The following MTA2 variants were observed in gnomAD, a reference collection of about 807,000 sequenced individuals.
The protein encoded by MTA2 is metastasis associated 1 family member 2.
A neutral mutation model predicts 87.1 loss-of-function variants in MTA2; 22 were observed. The ratio of observed to expected loss-of-function variants is 0.25; its 90% CI spans 0.18 to 0.36. MTA2 has a LOEUF of 0.36. MTA2 is among the 10% of genes least tolerant of loss of function. MTA2 has a pLI of 1.00. For missense variants in MTA2, 542 were observed against 853.2 expected (o/e 0.64, Z 4.54); for synonymous variants, 314 against 310.1 (o/e 1.01, Z -0.13).
intron 11 of MTA2, 26 bp downstream of exon 11, chr11:62,596,253 T>C (rs1216914161): frequency 1.1e-5 from 18 of 1,612,660 alleles, no homozygotes; most frequent in Non-Finnish European, 1.3e-5. Flanking sequence ...GAAAACACTC[T>C]GGTCTCCCCT....
intron 2 of MTA2, 42 bp from the exon 3 acceptor site, chr11:62,600,301 G>T: frequency 6.5e-7 from 1 of 1,539,730 alleles, no homozygotes. Context: ...ACGTAGCAGT[G>T]GAAATTGATC....
rs1282923151 is a variant in MTA2, at chr11:62,597,598, C to G, written c.593+12G>C. ...TCCCCCAGCCCATCTTCCCTATCCA[C>G]CCACCCCTCACCGGGCCACCACAAG... On this transcript the variant is annotated intron_variant, in intron 7 of 17. Transcript: ENST00000278823. 1 of 1,612,894 alleles carries G rather than the reference C, an allele frequency of 6.2e-7. No individual in the cohort carries two copies. The highest frequency in any genetic ancestry group is 1.3e-5 in the African/African-American group (1 of 75,000).
Position 62,596,229 on chromosome 11 carries a change from T to C in MTA2, c.1016+50A>G, listed in dbSNP as rs759418214. 6.2e-6 allele frequency: 10 copies of C among 1,605,650 alleles called. No individual in the cohort carries two copies. The South Asian group carries it at 1.1e-4, about 18-fold the overall frequency. ...CCCAATCACTGAGGAAGGCACAAGT[T>C]AGGGGAAGGGAAGGAAAACACTCTG... On this transcript the variant is annotated intron_variant, in intron 11 of 17. Coordinates refer to ENST00000278823, the MANE Select transcript of MTA2 (RefSeq NM_004739.4).
chr11:62,594,268 T>G lies in MTA2; in HGVS notation c.1832A>C (p.Lys611Thr). 1 of 1,614,206 alleles carries G rather than the reference T, an allele frequency of 6.2e-7. No homozygotes were observed. Among genetic ancestry groups the G allele is most frequent in the Non-Finnish European group, 8.5e-7 (1 of 1,180,038 alleles). Residue 611 changes from lysine (K) to threonine (T), a missense_variant, in exon 17 of 18, where the codon AAG becomes ACG. Transcript: ENST00000278823. ...ATGGTAGACGCCTTACCTGGTATCC[T>G]TTGTGGCCACAAACACCACAGGATT... Reference protein sequence around the residue: ...APNPVVFVATKDTRALRKALT... With the variant: ...APNPVVFVATTDTRALRKALT...
intron 1 of MTA2, 151 bp from the exon 2 acceptor site, chr11:62,600,840 AAGAGAAAATAAGG>A (rs1565046619): frequency 3.2e-6 from 2 of 631,648 alleles, no homozygotes; most frequent in African/African-American, 3.7e-5. Flanking sequence ...TGGACAGACT[AAGAGAAAATAAGG>A]ATGTCCCCCA....
intron 3 of MTA2, 77 bp downstream of exon 3, chr11:62,600,089 C>G: frequency 7.3e-7 from 1 of 1,361,802 alleles, no homozygotes; most frequent in African/African-American, 1.4e-5. Flanking sequence ...GGCATGCTAC[C>G]AGGGGAAATA....
chr11:62,595,620 T>C lies in MTA2; in HGVS notation c.1255-128A>G, dbSNP rs1316975192. 5 of 1,516,858 alleles carry C rather than the reference T, an allele frequency of 3.3e-6. No individual in the cohort carries two copies. The East Asian group carries it at 1.1e-4, about 34-fold the overall frequency. The allele number at this position is 1,516,858 out of a possible 1,614,324, so 94.0% of individuals were successfully genotyped here. A position where few individuals can be genotyped will look rare whatever the true frequency, so the allele number is the denominator to read the frequency against. On this transcript the variant is annotated intron_variant, in intron 13 of 17. Transcript: ENST00000278823. The surrounding 1 kb of genome is among the most constrained non-coding windows in gnomAD (Gnocchi z 4.9). ...TTACTGACCTCTTGGCCTATGTGTC[T>C]CCCCAACCAGCATCAAGCACCCCGT...
At chr11:62,597,994 G>A (rs773022721) in intron 6 of MTA2, 30 bp downstream of exon 6, 1 of 1,577,698 alleles carries the variant, frequency 6.3e-7, no homozygotes, top group African/African-American at 1.3e-5. Flanking sequence ...AGACAACCTG[G>A]TAGCCGTACA....
rs1011843360 is a variant in MTA2, at chr11:62,601,117, T to C, written c.28+306A>G. The C allele has an allele frequency of 7.9e-6, 4 of 509,022 alleles. No individual in the cohort carries two copies. In the East Asian group the frequency reaches 1.4e-4, roughly 18 times the overall value. The allele number at this position is 509,022 out of a possible 1,614,324, so 31.5% of individuals were successfully genotyped here. The stretch of plus-strand genomic sequence containing the variant: ...AAGCCGTCGCCCCAGCCCCTCGCGT[T>C]CCCTCCCTACCCTGTCAGCTCCTTC... On this transcript the variant is annotated intron_variant, in intron 1 of 17. Transcript: ENST00000278823.
At chr11:62,594,863 AGTTT>A (rs1942076802) in intron 15 of MTA2, 114 bp downstream of exon 15, 1 of 985,792 alleles carries the variant, frequency 1.0e-6, no homozygotes, top group Non-Finnish European at 1.5e-6. Context: ...ACAAAAGTAC[AGTTT>A]GTTAGACTAA....
intron 11 of MTA2, 33 bp from the exon 12 acceptor site, chr11:62,596,140 C>A: frequency 6.2e-7 from 1 of 1,610,178 alleles, no homozygotes; most frequent in Non-Finnish European, 8.5e-7. Flanking sequence ...GGGAAAAAAA[C>A]AAGAAACTGG....
chr11:62,601,505 G>A lies in MTA2; in HGVS notation c.-55C>T. On this transcript the variant is annotated 5_prime_UTR_variant, in exon 1 of 18. Transcript: ENST00000278823. ...CAAAGGGGTCCGGGAGGCTCGCGGG[G>A]GCAGGGCTCGGCTCGAGGCAAAGCC... The A allele has an allele frequency of 6.3e-7, 1 of 1,575,252 alleles. No homozygotes were observed. Among genetic ancestry groups the A allele is most frequent in the Non-Finnish European group, 8.6e-7 (1 of 1,163,290 alleles).
Position 62,597,966 on chromosome 11 carries a change from A to G in MTA2, c.490+58T>C. ...CGCCATTCACAGAGACTATAATGTT[A>G]AAGTGCCCCTTGGAATTAGACAACC... On this transcript the variant is annotated intron_variant, in intron 6 of 17. Transcript: ENST00000278823. 3.5e-6 allele frequency: 5 copies of G among 1,444,224 alleles called. No individual in the cohort carries two copies. The South Asian group carries it at 4.6e-5, about 13-fold the overall frequency. The allele number at this position is 1,444,224 out of a possible 1,614,324, so 89.5% of individuals were successfully genotyped here.
chr11:62,601,731 C>A lies in MTA2; in HGVS notation c.-281G>T, dbSNP rs529565950. On this transcript the variant is annotated 5_prime_UTR_variant, in exon 1 of 18. Coordinates refer to ENST00000278823, the MANE Select transcript of MTA2 (RefSeq NM_004739.4). ...CGGCTCCTGCCAGGCCAGAGCCAGG[C>A]TCCAGCTACCCCCGCCCCCGCGGAG... 2 of 517,632 alleles carry A rather than the reference C, an allele frequency of 3.9e-6. No individual in the cohort carries two copies. The highest frequency in any genetic ancestry group is 6.7e-6 in the Non-Finnish European group (2 of 297,052). The allele number at this position is 517,632 out of a possible 1,614,324, so 32.1% of individuals were successfully genotyped here.
rs761321219 is a variant in MTA2, at chr11:62,595,909, G to C, written c.1115-18C>G. On this transcript the variant is annotated intron_variant, in intron 12 of 17. Coordinates refer to ENST00000278823, the MANE Select transcript of MTA2 (RefSeq NM_004739.4). The surrounding 1 kb of genome is among the most constrained non-coding windows in gnomAD (Gnocchi z 4.9). ...CTGTGTGGCTGTAGAGTACGGAGAG[G>C]AGGGGGACAGGGAAGAAGCATACTA... The C allele has an allele frequency of 1.2e-6, 2 of 1,613,974 alleles. No individual in the cohort carries two copies. The highest frequency in any genetic ancestry group is 2.7e-5 in the African/African-American group (2 of 74,906).
Position 62,598,401 on chromosome 11 carries a change from G to C in MTA2, c.309-11C>G, listed in dbSNP as rs780655817. ...ACACTGCATTTCCCCCTATAGGAGA[G>C]AGATTGGAAAACCCCGGTGAGCCCC... On this transcript the variant is annotated splice_polypyrimidine_tract_variant and intron_variant, in intron 4 of 17. Transcript: ENST00000278823. The C allele has an allele frequency of 1.9e-6, 3 of 1,613,858 alleles. No individual in the cohort carries two copies. Among genetic ancestry groups the C allele is most frequent in the Admixed American group, 1.7e-5 (1 of 60,002 alleles).
intron 8 of MTA2, 22 bp from the exon 9 acceptor site, chr11:62,596,847 A>C (rs1942105186): frequency 6.3e-7 from 1 of 1,577,370 alleles, no homozygotes. Flanking sequence ...ATGGAGAGCA[A>C]CTGAGGACCT....
At position 62,601,553 on chromosome 11, in the gene MTA2, G is replaced by C; in HGVS notation, c.-103C>G. On this transcript the variant is annotated 5_prime_UTR_variant, in exon 1 of 18. Transcript: ENST00000278823. ...GCCCCGAACGGTGGGCTGCCGCTTC[G>C]AGGGAGTCTCACTGGGGCCCGCGCA... 7.2e-7 allele frequency: 1 copy of C among 1,398,476 alleles called. No homozygotes were observed. Among genetic ancestry groups the C allele is most frequent in the Admixed American group, 2.2e-5 (1 of 45,290 alleles). 86.6% of individuals were successfully genotyped at this position (1,398,476 alleles called of 1,614,324 possible). A position where few individuals can be genotyped will look rare whatever the true frequency, so the allele number is the denominator to read the frequency against.
In MTA2 at chr11:62,596,117, A is replaced by G. The variant is rs781646910; in HGVS notation, c.1017-10T>C. The G allele has an allele frequency of 6.2e-7, 1 of 1,613,892 alleles. No homozygotes were observed. The highest frequency in any genetic ancestry group is 8.5e-7 in the Non-Finnish European group (1 of 1,179,824). On this transcript the variant is annotated splice_polypyrimidine_tract_variant and intron_variant, in intron 11 of 17. Transcript: ENST00000278823. ...AGGGTTTGGCTTAGTGCTAACGGGG[A>G]AGGCGAGGAGAAGGGAAAAAAACAA...
Sources: gnomAD v4.1 joint callset for allele counts on GRCh38, gnomAD v4.1.1 for gene constraint, Gnocchi (gnomAD v3.1) non-coding constraint, MANE v1.5 for transcripts, NCBI Gene and HGNC (gene_info 2026-07-23, HGNC 2026-07-21) for gene names.